The following ZNF695 variants were observed in gnomAD, a reference collection of about 807,000 sequenced individuals.
ZNF695 encodes the protein zinc finger protein SBZF3.
ZNF695 carries 11 observed loss-of-function variants against 11.2 expected under a neutral mutation model. The observed-to-expected ratio is 0.98, with a 90% confidence interval of 0.62 to 1.62. The LOEUF (loss-of-function observed/expected upper bound fraction) is 1.62, where lower values mean the gene tolerates loss of function less well. Ranked by LOEUF, ZNF695 falls within the 40% of genes most tolerant of loss-of-function variation. The pLI is 0.00. For missense variants in ZNF695, 559 were observed against 590.5 expected, an observed-to-expected ratio of 0.95 and a Z score of 0.55; for synonymous variants, 190 against 201.4, an observed-to-expected ratio of 0.94 and a Z score of 0.48.
chr1:246,951,477 G>T, intron 5 of ZNF695, among the ~76,000 whole-genome samples: 1 of 152,200 alleles, frequency 6.6e-6, no homozygotes. Flanking sequence ...TTCCCTAGAG[G>T]CCTTGGCAGA....
At position 246,999,283 on chromosome 1, in the gene ZNF695, A is replaced by T; in HGVS notation, c.259+65T>A. ...AGTAGAGCTTCCCAAACCACAGTTT[A>T]AAGTCTGGCTTCTTCCTTGATCCTT... On this transcript the variant is annotated intron_variant, in intron 3 of 3. Transcript: ENST00000339986. The T allele has an allele frequency of 2.2e-6, 3 of 1,350,290 alleles. No homozygotes were observed. The South Asian group carries it at 3.5e-5, about 16-fold the overall frequency. The allele number at this position is 1,350,290 out of a possible 1,614,324, so 83.6% of individuals were successfully genotyped here. A position where few individuals can be genotyped will look rare whatever the true frequency, so the allele number is the denominator to read the frequency against.
chr1:246,958,408 A>C (rs1181127351), intron 5 of ZNF695, among the ~76,000 whole-genome samples: 1 of 152,094 alleles, frequency 6.6e-6, no homozygotes, highest in Non-Finnish European at 1.5e-5. Flanking sequence ...AAAAGTCACA[A>C]AATATGTGAC....
chr1:246,974,441 G>C (rs1668507804), intron 4 of ZNF695, among the ~76,000 whole-genome samples: 1 of 152,142 alleles, frequency 6.6e-6, no homozygotes, highest in Non-Finnish European at 1.5e-5. Context: ...AAACAAGAGA[G>C]GCAAAGATCA....
chr1:246,991,146 A>C (rs1669020136), intron 3 of ZNF695, among the ~76,000 whole-genome samples: 3 of 152,174 alleles, frequency 2.0e-5, no homozygotes, highest in South Asian at 4.1e-4. Context: ...AACAATTCAA[A>C]AGATCAATGA....
At chr1:246,990,112 G>T (rs927575722) in intron 3 of ZNF695, among the ~76,000 whole-genome samples, 2 of 147,944 alleles carry the variant, frequency 1.4e-5, no homozygotes, top group South Asian at 2.1e-4. Context: ...AATGAATGAA[G>T]GAAGGAAGGA....
intron 5 of ZNF695, among the ~76,000 whole-genome samples, chr1:246,960,997 C>T (rs1668149974): frequency 6.6e-6 from 1 of 152,078 alleles, no homozygotes; most frequent in African/African-American, 2.4e-5. Context: ...CTTTTGAGCT[C>T]AAAAATGTTT....
At chr1:246,945,674 CT>C in exon 6 of ZNF695, 1 of 941,660 alleles carries the variant, frequency 1.1e-6, no homozygotes, top group Non-Finnish European at 1.6e-6. Context: ...GAAATAGATT[CT>C]GTGGGAGGCA....
chr1:246,963,233 T>C (rs1417738985), intron 5 of ZNF695, among the ~76,000 whole-genome samples: 1 of 152,084 alleles, frequency 6.6e-6, no homozygotes, highest in Non-Finnish European at 1.5e-5. Context: ...TCATGACACG[T>C]TTACTAAAGG....
chr1:247,001,602 A>G (rs1392083888), intron 1 of ZNF695, among the ~76,000 whole-genome samples: 2 of 150,474 alleles, frequency 1.3e-5, no homozygotes, highest in East Asian at 3.9e-4. Context: ...AATCCCAGCT[A>G]CTCGGGAGGC....
chr1:246,971,718 T>C (rs1397469099), intron 4 of ZNF695, among the ~76,000 whole-genome samples: 1 of 152,232 alleles, frequency 6.6e-6, no homozygotes, highest in African/African-American at 2.4e-5. Flanking sequence ...TAGAAACTAA[T>C]GATTAATGAT....
intron 4 of ZNF695, among the ~76,000 whole-genome samples, chr1:246,978,965 CTA>C (rs1668636007): frequency 6.6e-6 from 1 of 152,176 alleles, no homozygotes; most frequent in Admixed American, 6.5e-5. Flanking sequence ...TAAGTGGACT[CTA>C]GTCTTGTTTA....
chr1:246,961,130 G>A (rs1029708325), intron 5 of ZNF695, among the ~76,000 whole-genome samples: 4 of 152,088 alleles, frequency 2.6e-5, no homozygotes, highest in African/African-American at 9.7e-5. Context: ...CAAAATCATG[G>A]GGTATAAGTC....
chr1:246,981,451 C>T (rs1412290222), downstream of ZNF695, among the ~76,000 whole-genome samples: 1 of 152,132 alleles, frequency 6.6e-6, no homozygotes, highest in African/African-American at 2.4e-5. Flanking sequence ...AGAAATATTT[C>T]CCAAATTTTG....
At position 247,002,874 on chromosome 1, in the gene ZNF695, G is replaced by C. The variant is rs112254744; in HGVS notation, c.4-2800C>G. Among the ~76,000 whole-genome samples the C allele has an allele frequency of 3.0e-3, 452 of 152,136 alleles. 4 individuals carry two copies. The highest frequency in any genetic ancestry group is 0.01 in the African/African-American group (417 of 41,502). ...CCAACATGCATATGGAAAAAAGTTC[G>C]ACATCACTAATCATCAGAGAAATGC... On this transcript the variant is annotated intron_variant, in intron 1 of 3. Coordinates refer to ENST00000339986, the MANE Select transcript of ZNF695 (RefSeq NM_020394.5).
chr1:246,983,825 A>T (rs1668772159), downstream of ZNF695, among the ~76,000 whole-genome samples: 1 of 151,450 alleles, frequency 6.6e-6, no homozygotes, highest in Non-Finnish European at 1.5e-5. Context: ...CTCAAAACAA[A>T]CAAACAAACA....
chr1:246,994,526 T>C (rs975228928), intron 3 of ZNF695, among the ~76,000 whole-genome samples: 4 of 139,720 alleles, frequency 2.9e-5, no homozygotes, highest in Non-Finnish European at 4.7e-5. Context: ...GGGTGACAGA[T>C]AGAGACCCTA....
chr1:246,961,859 G>A (rs1325218930), intron 5 of ZNF695, among the ~76,000 whole-genome samples: 2 of 152,150 alleles, frequency 1.3e-5, no homozygotes, highest in Non-Finnish European at 2.9e-5. Flanking sequence ...GCTTAGCAAA[G>A]GGCCCTCTTC....
intron 5 of ZNF695, among the ~76,000 whole-genome samples, chr1:246,957,874 G>A (rs543489137): frequency 1.3e-3 from 200 of 151,888 alleles, no homozygotes; most frequent in African/African-American, 4.6e-3. Flanking sequence ...TCCTACAGAC[G>A]TGAGCCACCA....
intron 5 of ZNF695, among the ~76,000 whole-genome samples, chr1:246,964,688 T>A (rs1187167643): frequency 6.6e-6 from 1 of 152,100 alleles, no homozygotes; most frequent in Non-Finnish European, 1.5e-5. Context: ...CTGGCCAGCA[T>A]GGTGAGACCT....
Sources: allele counts gnomAD v4.1 joint callset (sites outside exome capture counted in the v4.1 genomes callset), GRCh38; gene constraint gnomAD v4.1.1; transcripts MANE v1.5; gene names NCBI Gene and HGNC (gene_info 2026-07-23, HGNC 2026-07-21).